The following SNX31 variants were observed in gnomAD, a reference collection of about 807,000 sequenced individuals.
SNX31 encodes the protein sorting nexin-31.
Under a neutral mutation model 65.4 loss-of-function variants are expected in SNX31, and 58 were observed. That is an observed-to-expected ratio of 0.89 (90% confidence interval 0.72 to 1.10). The LOEUF (loss-of-function observed/expected upper bound fraction) is 1.10. Among genes scored for constraint, SNX31 ranks in the 50% least tolerant of loss-of-function variants. The pLI is 0.00. For synonymous variants in SNX31, 181 were observed against 190.1 expected, an observed-to-expected ratio of 0.95 and a Z score of 0.39; for missense variants, 523 against 529.7, an observed-to-expected ratio of 0.99 and a Z score of 0.12.
chr8:100,597,247 C>CT (rs554273418), intron 9 of SNX31, among the ~76,000 whole-genome samples: 6,381 of 144,970 alleles, frequency 0.044, 225 homozygotes, highest in East Asian at 0.13. Flanking sequence ...TGTACATTGG[C>CT]TTTTTTTTTT....
upstream of SNX31, among the ~76,000 whole-genome samples, chr8:100,652,472 T>C (rs1477692145): frequency 6.6e-6 from 1 of 152,206 alleles, no homozygotes; most frequent in Non-Finnish European, 1.5e-5. Flanking sequence ...GGCGCTGCAG[T>C]GAGGCTGTTA....
intron 8 of SNX31, among the ~76,000 whole-genome samples, chr8:100,603,057 G>A (rs1029751801): frequency 6.6e-6 from 1 of 152,070 alleles, no homozygotes; most frequent in South Asian, 2.1e-4. Flanking sequence ...GCAAACCCAG[G>A]TCTGGACACT....
intron 12 of SNX31, among the ~76,000 whole-genome samples, chr8:100,581,981 C>T (rs1813596912): frequency 6.6e-6 from 1 of 152,010 alleles, no homozygotes; most frequent in South Asian, 2.1e-4. Context: ...TCTTGGAAAC[C>T]CAATTTTCAA....
intron 10 of SNX31, among the ~76,000 whole-genome samples, chr8:100,590,179 T>C (rs1814436329): frequency 6.6e-6 from 1 of 152,228 alleles, no homozygotes; most frequent in Admixed American, 6.5e-5. Flanking sequence ...ACAGGTTTTA[T>C]AAGCTAAGGA....
chr8:100,618,058 G>C, intron 4 of SNX31: 1 of 984,858 alleles, frequency 1.0e-6, no homozygotes, highest in South Asian at 4.7e-5. Flanking sequence ...GAGCCACCAC[G>C]CCCGGCCTCC....
intron 8 of SNX31, among the ~76,000 whole-genome samples, chr8:100,605,062 C>T (rs563081057): frequency 6.6e-6 from 1 of 152,106 alleles, no homozygotes; most frequent in African/African-American, 2.4e-5. Context: ...CCGTGCCCAG[C>T]TAATTTTTGT....
intron 2 of SNX31, 83 bp from the exon 3 acceptor site, chr8:100,636,094 A>G (rs1658127368): frequency 1.1e-6 from 1 of 913,792 alleles, no homozygotes; most frequent in Admixed American, 2.0e-5. Flanking sequence ...CTTTAGGGCA[A>G]GTCCCATCCC....
In SNX31 at chr8:100,635,978, A is replaced by G; in HGVS notation, c.175T>C (p.Phe59Leu). Residue 59 changes from phenylalanine to leucine, a missense_variant, in exon 3 of 14, where the codon TTC becomes CTC. Physicochemically the swap from Phe to Leu is conservative, Grantham distance 22. Transcript: ENST00000311812. ...RRVFGNCLPP[F>L]PPKYYLAMTT... ...ATTGCCAGATAGTACTTTGGTGGGAAGGGTGGCAGGCAATTTCCAAAGACC... is the reference window on the plus strand; with the variant it reads ...ATTGCCAGATAGTACTTTGGTGGGAGGGGTGGCAGGCAATTTCCAAAGACC... 1 of 1,614,172 alleles carries G rather than the reference A, an allele frequency of 6.2e-7. No homozygotes were observed. The highest frequency in any genetic ancestry group is 8.5e-7 in the Non-Finnish European group (1 of 1,180,010).
chr8:100,635,884 T>C lies in SNX31; in HGVS notation c.256+13A>G. Reference sequence around the variant, plus strand: ...AATAAATCTGTTTTTTAAAAAACCCTGCAAATACATACCATTTTGCAAATA... The same window carrying C: ...AATAAATCTGTTTTTTAAAAAACCCCGCAAATACATACCATTTTGCAAATA... On this transcript the variant is annotated intron_variant, in intron 3 of 13. Transcript: ENST00000311812. The C allele has an allele frequency of 6.3e-7, 1 of 1,591,294 alleles. No homozygotes were observed. The highest frequency in any genetic ancestry group is 8.6e-7 in the Non-Finnish European group (1 of 1,159,638).
At position 100,576,763 on chromosome 8, in the gene SNX31, C is replaced by CA. The variant is rs1023753007; in HGVS notation, c.1227+255dup. 2.1e-4 allele frequency among the ~76,000 whole-genome samples: 32 copies of CA among 151,542 alleles called. No homozygotes were observed. The highest frequency in any genetic ancestry group is 7.5e-4 in the African/African-American group (31 of 41,238). ...GCCTCCAAAAAGTGCAAGGGGTGTACAAAAAAATCACCAAATAATTTTGTG... is the reference window on the plus strand; with the variant it reads ...GCCTCCAAAAAGTGCAAGGGGTGTACAAAAAAAATCACCAAATAATTTTGTG... On this transcript the variant is annotated intron_variant, in intron 13 of 13. Coordinates refer to ENST00000311812, the MANE Select transcript of SNX31 (RefSeq NM_152628.4). This position sits in a 1 kb window ranked among gnomAD's most constrained non-coding sequence, Gnocchi z 4.8.
At chr8:100,592,414 A>T (rs1160291761) in intron 10 of SNX31, among the ~76,000 whole-genome samples, 1 of 152,162 alleles carries the variant, frequency 6.6e-6, no homozygotes, top group African/African-American at 2.4e-5. Flanking sequence ...GATAAATGAA[A>T]TCACAATGGG....
At chr8:100,646,283 C>G (rs559564345) in intron 2 of SNX31, among the ~76,000 whole-genome samples, 2 of 152,160 alleles carry the variant, frequency 1.3e-5, no homozygotes, top group South Asian at 2.1e-4. Flanking sequence ...TGGTCAAAAA[C>G]AGGTTATGGT....
In SNX31 at chr8:100,578,684, TTTTTATTTTATTTTATTTTA is replaced by T. The variant is rs138548509; in HGVS notation, c.1171-1629_1171-1610del. Among the ~76,000 whole-genome samples the T allele has an allele frequency of 1.9e-4, 27 of 145,470 alleles. No homozygotes were observed. Among genetic ancestry groups the T allele is most frequent in the African/African-American group, 6.2e-4 (24 of 38,800 alleles). On this transcript the variant is annotated intron_variant, in intron 12 of 13. Coordinates refer to ENST00000311812, the MANE Select transcript of SNX31 (RefSeq NM_152628.4). The surrounding 1 kb of genome is among the most constrained non-coding windows in gnomAD (Gnocchi z 4.7). ...ACATATTTAAGCCTATTTCAATGAT[TTTTTATTTTATTTTATTTTA>T]TTTTATTTTATTTTATTTTATTTTA...
intron 1 of SNX31, chr8:100,657,659 G>A (rs1394364846): frequency 2.0e-5 from 9 of 455,938 alleles, no homozygotes; most frequent in Non-Finnish European, 4.0e-5. Flanking sequence ...AGTCTGAAGT[G>A]GAGGGACAAG....
chr8:100,617,873 T>C (rs1433664109), intron 4 of SNX31, 143 bp from the exon 5 acceptor site: 5 of 722,912 alleles, frequency 6.9e-6, no homozygotes, highest in Non-Finnish European at 1.1e-5. Context: ...CAAGTGATTC[T>C]CCTTCCTCAG....
At chr8:100,644,610 T>A (rs77185992) in intron 2 of SNX31, among the ~76,000 whole-genome samples, 9,968 of 152,216 alleles carry the variant, frequency 0.065, 454 homozygotes, top group Non-Finnish European at 0.095. Context: ...AGGGCGCAGG[T>A]CACAGCAGAG....
chr8:100,618,489 A>G, intron 4 of SNX31: 1 of 645,296 alleles, frequency 1.5e-6, no homozygotes, highest in Non-Finnish European at 2.7e-6. Context: ...TTCAATTATG[A>G]CATGCTTTGC....
At position 100,613,341 on chromosome 8, in the gene SNX31, T is replaced by G. The variant is rs181336645; in HGVS notation, c.433-256A>C. ...GACAGAGGCTGGCCCCAAGTTGAGG[T>G]TGGTCATCCCATCTCAGATGTGGAC... On this transcript the variant is annotated intron_variant, in intron 5 of 13. Transcript: ENST00000311812. The surrounding 1 kb of genome is among the most constrained non-coding windows in gnomAD (Gnocchi z 5.2). Among the ~76,000 whole-genome samples the G allele has an allele frequency of 2.0e-5, 3 of 152,258 alleles. No homozygotes were observed. The highest frequency in any genetic ancestry group is 7.2e-5 in the African/African-American group (3 of 41,540).
chr8:100,597,521 A>T (rs1815226493), intron 9 of SNX31, among the ~76,000 whole-genome samples: 1 of 152,170 alleles, frequency 6.6e-6, no homozygotes, highest in African/African-American at 2.4e-5. Flanking sequence ...GGGATTACAG[A>T]CGTGAGCCAC....
Sources: allele counts gnomAD v4.1 joint callset (sites outside exome capture counted in the v4.1 genomes callset), GRCh38; gene constraint gnomAD v4.1.1; non-coding constraint Gnocchi (gnomAD v3.1); transcripts MANE v1.5; gene names NCBI Gene and HGNC (gene_info 2026-07-23, HGNC 2026-07-21).